PRSS12: variants seen among roughly 807,000 people sequenced by gnomAD.
PRSS12 encodes serine protease 12, also known as neurotrypsin.
In PRSS12, 85 loss-of-function variants were observed where a neutral mutation model predicts 104.4. The ratio of observed to expected loss-of-function variants is 0.81; its 90% CI spans 0.68 to 0.98. PRSS12 has a LOEUF of 0.98. PRSS12 is among the 50% of genes least tolerant of loss of function. PRSS12 has a pLI of 0.00. For synonymous variants in PRSS12, 454 were observed against 425.2 expected (o/e 1.07, Z -0.83); for missense variants, 1,141 against 1,139.2 (o/e 1.00, Z -0.02).
chr4:118,331,415 T>C (rs1390127647), intron 4 of PRSS12, among the ~76,000 whole-genome samples: 2 of 152,218 alleles, frequency 1.3e-5, no homozygotes, highest in Non-Finnish European at 2.9e-5. Flanking sequence ...TTTGATTAAG[T>C]CACTATAGTT....
chr4:118,314,416 GCTGA>G (rs1743846766), intron 6 of PRSS12, among the ~76,000 whole-genome samples: 1 of 151,784 alleles, frequency 6.6e-6, no homozygotes, highest in Non-Finnish European at 1.5e-5. Flanking sequence ...CTTCTATTTT[GCTGA>G]CTAATCAACC....
At chr4:118,299,731 TA>T (rs1560768232) in intron 8 of PRSS12, among the ~76,000 whole-genome samples, 3 of 72,772 alleles carry the variant, frequency 4.1e-5, no homozygotes, top group South Asian at 5.2e-4. Context: ...TAAAATAAAA[TA>T]AAATAAAATA....
intron 11 of PRSS12, among the ~76,000 whole-genome samples, chr4:118,285,066 A>G (rs1742984634): frequency 6.6e-6 from 1 of 152,226 alleles, no homozygotes; most frequent in Admixed American, 6.5e-5. Flanking sequence ...CATCTCGTAT[A>G]TATGATTAAC....
At chr4:118,319,217 A>C (rs1723539946) in intron 4 of PRSS12, among the ~76,000 whole-genome samples, 1 of 152,110 alleles carries the variant, frequency 6.6e-6, no homozygotes, top group African/African-American at 2.4e-5. Flanking sequence ...ATGCCACCAC[A>C]CCTGGCTAAT....
chr4:118,302,959 A>T (rs1171849594), intron 8 of PRSS12, among the ~76,000 whole-genome samples: 1 of 152,220 alleles, frequency 6.6e-6, no homozygotes, highest in Non-Finnish European at 1.5e-5. Context: ...TGAAGACAAT[A>T]AAAAATTAAT....
Position 118,352,670 on chromosome 4 carries a change from T to C in PRSS12, c.51A>G (p.Glu17=), listed in dbSNP as rs144853134. The C allele has an allele frequency of 6.9e-3, 11,067 of 1,613,282 alleles. 53 individuals are homozygous for C. Among genetic ancestry groups the C allele is most frequent in the Non-Finnish European group, 8.3e-3 (9,790 of 1,179,568 alleles). Residue 17 remains glutamate (E), a synonymous_variant, in exon 1 of 13, where the codon GAA becomes GAG. Transcript: ENST00000296498. The part of the protein sequence containing the change: ...VLALMLGALP[E]VVGFDSVLND... Reference sequence around the variant, plus strand: ...TGAGGACAGAATCAAAGCCGACCACTTCGGGGAGCGCCCCTAACATCAGGG... The same window carrying C: ...TGAGGACAGAATCAAAGCCGACCACCTCGGGGAGCGCCCCTAACATCAGGG...
chr4:118,352,855 C>T lies in PRSS12; in HGVS notation c.-135G>A. 1 of 1,473,128 alleles carries T rather than the reference C, an allele frequency of 6.8e-7. No homozygotes were observed. The highest frequency in any genetic ancestry group is 1.4e-5 in the African/African-American group (1 of 69,954). The allele number at this position is 1,473,128 out of a possible 1,614,324, so 91.3% of individuals were successfully genotyped here. ...CCTCCCGCCCCCGCACGCGGACCGC[C>T]CTCGCCTCCCCAACCTTGCCTCCCG... On this transcript the variant is annotated 5_prime_UTR_variant, in exon 1 of 13. Coordinates refer to ENST00000296498, the MANE Select transcript of PRSS12 (RefSeq NM_003619.4).
chr4:118,296,393 C>T (rs1365233116), intron 9 of PRSS12, among the ~76,000 whole-genome samples: 1 of 152,064 alleles, frequency 6.6e-6, no homozygotes, highest in East Asian at 1.9e-4. Flanking sequence ...AAGTGGTAAA[C>T]TATGGTTAAG....
intron 3 of PRSS12, among the ~76,000 whole-genome samples, chr4:118,334,614 T>C (rs558734801): frequency 1.3e-5 from 2 of 152,280 alleles, no homozygotes; most frequent in Admixed American, 1.3e-4. Flanking sequence ...ATCCCTCCAT[T>C]GGCTCTTCCA....
chr4:118,348,218 A>T (rs925294981), intron 1 of PRSS12, among the ~76,000 whole-genome samples: 1 of 152,222 alleles, frequency 6.6e-6, no homozygotes, highest in African/African-American at 2.4e-5. Context: ...AATAAAAATA[A>T]AATAACCATA....
chr4:118,348,709 T>C (rs1261998780), intron 1 of PRSS12, among the ~76,000 whole-genome samples: 1 of 150,296 alleles, frequency 6.7e-6, no homozygotes. Context: ...TGGAGTGCAA[T>C]AGCGTGAGTT....
At chr4:118,293,310 TA>T (rs1285303716) in intron 11 of PRSS12, among the ~76,000 whole-genome samples, 4 of 151,982 alleles carry the variant, frequency 2.6e-5, no homozygotes, top group Non-Finnish European at 4.4e-5. Context: ...ATTAAACTTC[TA>T]AATATTAAAA....
At chr4:118,312,917 T>A in intron 7 of PRSS12, 1 of 434,326 alleles carries the variant, frequency 2.3e-6, no homozygotes, top group East Asian at 5.0e-5. Context: ...ATACTGCAGC[T>A]TCTTTATTCC....
rs570793078 is a variant in PRSS12 at position 118,352,405 on chromosome 4, C to T, written c.316G>A (p.Gly106Ser). The change falls in exon 1 of 13, where the codon GGC becomes AGC. Residue 106 changes from glycine (G) to serine (S), a missense_variant. By Grantham distance (56) the Gly-to-Ser change is moderately conservative. Coordinates refer to ENST00000296498, the MANE Select transcript of PRSS12 (RefSeq NM_003619.4). Reference sequence around the variant, plus strand: ...TCCGCCCACCGCAGACACGGGGCGCCGAAGTCCGTCACGCTGACCCATGGC... The same window carrying T: ...TCCGCCCACCGCAGACACGGGGCGCTGAAGTCCGTCACGCTGACCCATGGC... ...GEPWVSVTDF[G>S]APCLRWAEVP... 1.3e-6 allele frequency: 2 copies of T among 1,537,922 alleles called. No individual in the cohort carries two copies. The highest frequency in any genetic ancestry group is 2.4e-5 in the East Asian group (1 of 41,218).
At chr4:118,347,675 C>T (rs1724392232) in intron 1 of PRSS12, among the ~76,000 whole-genome samples, 1 of 152,124 alleles carries the variant, frequency 6.6e-6, no homozygotes, top group Non-Finnish European at 1.5e-5. Flanking sequence ...TGCAATCTAT[C>T]GTGTTTTGTT....
Position 118,316,777 on chromosome 4 carries a change from G to A in PRSS12, c.1151-454C>T, listed in dbSNP as rs530482137. Among the ~76,000 whole-genome samples the A allele has an allele frequency of 1.6e-4, 23 of 142,756 alleles. No homozygotes were observed. The South Asian group carries it at 3.5e-3, about 22-fold the overall frequency. 93.7% of individuals were successfully genotyped at this position (142,756 alleles called of 152,430 possible). ...GCAGAGGTTACAGTGAGCTGAAATC[G>A]CACCACTGCCCTCCAGTCTGGGCAA... On this transcript the variant is annotated intron_variant, in intron 5 of 12. Transcript: ENST00000296498.
In PRSS12 at chr4:118,308,439, T is replaced by C. The variant is rs1017865455; in HGVS notation, c.1628A>G (p.Tyr543Cys). 6.2e-7 allele frequency: 1 copy of C among 1,614,062 alleles called. No individual in the cohort carries two copies. The highest frequency in any genetic ancestry group is 8.5e-7 in the Non-Finnish European group (1 of 1,179,946). Residue 543 changes from tyrosine to cysteine, a missense_variant, in exon 8 of 13, where the codon TAC (tyrosine) becomes TGC (cysteine). Tyr to Cys is a radical substitution (Grantham distance 194, BLOSUM62 -2). Coordinates refer to ENST00000296498, the MANE Select transcript of PRSS12 (RefSeq NM_003619.4). ...DAAVICRQLG[Y>C]KGPARARTMA... Reference sequence around the variant, plus strand: ...CAAATAATTAGGTTTTCCTTACTTGTAGCCAAGCTGACGACAGATCACAGC... The same window carrying C: ...CAAATAATTAGGTTTTCCTTACTTGCAGCCAAGCTGACGACAGATCACAGC...
At position 118,352,899 on chromosome 4, in the gene PRSS12, G is replaced by A; in HGVS notation, c.-179C>T. On this transcript the variant is annotated 5_prime_UTR_variant, in exon 1 of 13. Transcript: ENST00000296498. ...CCTCCCGCCGCTGGTGCCCTGCCGC[G>A]CCTCGGCTCCTGTCCCCTGGCGGCG... The A allele has an allele frequency of 7.1e-7, 1 of 1,400,486 alleles. No homozygotes were observed. Among genetic ancestry groups the A allele is most frequent in the East Asian group, 2.8e-5 (1 of 36,138 alleles). 86.8% of individuals were successfully genotyped at this position (1,400,486 alleles called of 1,614,324 possible). A position where few individuals can be genotyped will look rare whatever the true frequency, so the allele number is the denominator to read the frequency against.
chr4:118,351,976 C>G (rs1366515898), intron 1 of PRSS12, among the ~76,000 whole-genome samples: 5 of 152,094 alleles, frequency 3.3e-5, no homozygotes, highest in African/African-American at 1.2e-4. Context: ...ACCCAGAGCT[C>G]AGCACCTTGC....
Sources: allele counts gnomAD v4.1 joint callset (sites outside exome capture counted in the v4.1 genomes callset), GRCh38; gene constraint gnomAD v4.1.1; transcripts MANE v1.5; gene names NCBI Gene and HGNC (gene_info 2026-07-23, HGNC 2026-07-21).